Variants in LRP1B observed in about 807,000 individuals in gnomAD.
The protein encoded by LRP1B is LDL receptor related protein 1B.
In LRP1B, 217 loss-of-function variants were observed where a neutral mutation model predicts 556.6. The observed-to-expected ratio is 0.39, with a 90% CI of 0.35 to 0.44. LRP1B has a LOEUF of 0.44. Ranked by LOEUF, LRP1B falls within the 20% of genes least tolerant of loss-of-function variation. The pLI is 1.00. For missense variants in LRP1B, 5,053 were observed against 5,620.8 expected (o/e 0.90, Z 3.23); for synonymous variants, 2,047 against 1,865.8 (o/e 1.10, Z -2.50).
intron 2 of LRP1B, among the ~76,000 whole-genome samples, chr2:141,574,095 T>C (rs528913945): frequency 6.6e-6 from 1 of 152,308 alleles, no homozygotes; most frequent in East Asian, 1.9e-4. Context: ...ACTCATTTTA[T>C]GAAGCCAGCA....
chr2:140,933,881 GTCT>G (rs1281282590), intron 20 of LRP1B, among the ~76,000 whole-genome samples: 1 of 151,922 alleles, frequency 6.6e-6, no homozygotes, highest in Non-Finnish European at 1.5e-5. Flanking sequence ...GCCTTGAGTT[GTCT>G]TTACTTTTGA....
At chr2:142,098,546 C>T (rs559210707) in intron 1 of LRP1B, among the ~76,000 whole-genome samples, 2 of 151,448 alleles carry the variant, frequency 1.3e-5, no homozygotes, top group African/African-American at 4.8e-5. Flanking sequence ...AAATGTGTAC[C>T]CATTTTCAAT....
chr2:141,162,052 C>G (rs1055083514), intron 7 of LRP1B, among the ~76,000 whole-genome samples: 7 of 152,070 alleles, frequency 4.6e-5, no homozygotes, highest in African/African-American at 1.7e-4. Flanking sequence ...TTTGAAATTT[C>G]AAGATTCCTT....
chr2:141,438,669 A>G (rs886066148), intron 3 of LRP1B, among the ~76,000 whole-genome samples: 2 of 152,182 alleles, frequency 1.3e-5, no homozygotes, highest in Non-Finnish European at 2.9e-5. Flanking sequence ...ATAATAAGGC[A>G]TAAGATTTAT....
intron 86 of LRP1B, among the ~76,000 whole-genome samples, chr2:140,256,808 A>T (rs914402394): frequency 1.7e-4 from 26 of 151,696 alleles, no homozygotes; most frequent in Middle Eastern, 3.4e-3. Context: ...CAGCAAAAAA[A>T]TTTTTTTGCA....
At chr2:141,685,146 A>T (rs930013976) in intron 2 of LRP1B, among the ~76,000 whole-genome samples, 1 of 152,054 alleles carries the variant, frequency 6.6e-6, no homozygotes, top group African/African-American at 2.4e-5. Context: ...TAAAATAGGA[A>T]TATCTCTAAC....
intron 66 of LRP1B, among the ~76,000 whole-genome samples, chr2:140,409,662 T>C (rs558828931): frequency 6.6e-6 from 1 of 152,076 alleles, no homozygotes; most frequent in African/African-American, 2.4e-5. Flanking sequence ...GTTTTCTCTA[T>C]GCCAGATTCA....
intron 1 of LRP1B, among the ~76,000 whole-genome samples, chr2:141,904,784 C>A (rs1408399726): frequency 6.6e-6 from 1 of 151,892 alleles, no homozygotes. Flanking sequence ...GGGACACAGA[C>A]AACAGGACAG....
chr2:140,350,906 A>G lies in LRP1B; in HGVS notation c.11783T>C (p.Val3928Ala). The G allele has an allele frequency of 6.2e-7, 1 of 1,611,184 alleles. No homozygotes were observed. The highest frequency in any genetic ancestry group is 1.1e-5 in the South Asian group (1 of 90,982). The change falls in exon 77 of 91, where the codon GTA becomes GCA. Residue 3928 changes from valine (V) to alanine (A), a missense_variant. Coordinates refer to ENST00000389484, the MANE Select transcript of LRP1B (RefSeq NM_018557.3). ...EHNSRITGMD[V>A]YYQRDMIIWS... Reference sequence around the variant, plus strand: ...AATAATCATATCTCTTTGATAATATACATCCATCCCTGTTATTCTTGAATT... The same window carrying G: ...AATAATCATATCTCTTTGATAATATGCATCCATCCCTGTTATTCTTGAATT...
At chr2:141,900,612 C>T (rs527776370) in intron 1 of LRP1B, among the ~76,000 whole-genome samples, 1 of 152,106 alleles carries the variant, frequency 6.6e-6, no homozygotes, top group East Asian at 1.9e-4. Flanking sequence ...CTGTGAGGTT[C>T]AGAAATGATC....
chr2:141,421,215 A>T (rs893016935), intron 3 of LRP1B, among the ~76,000 whole-genome samples: 1 of 152,188 alleles, frequency 6.6e-6, no homozygotes, highest in Non-Finnish European at 1.5e-5. Flanking sequence ...TTTAACACTC[A>T]AAGAAATACA....
chr2:141,163,697 C>A (rs1021487122), intron 7 of LRP1B, among the ~76,000 whole-genome samples: 1 of 151,980 alleles, frequency 6.6e-6, no homozygotes, highest in South Asian at 2.1e-4. Context: ...TTATTTGGCT[C>A]GCATTCTCTC....
chr2:141,932,175 A>G (rs1034783892), intron 1 of LRP1B, among the ~76,000 whole-genome samples: 14 of 152,064 alleles, frequency 9.2e-5, no homozygotes, highest in African/African-American at 3.4e-4. Context: ...TAATTCTTAC[A>G]CTAAGATGCA....
At chr2:141,988,251 C>G (rs1333279002) in intron 1 of LRP1B, among the ~76,000 whole-genome samples, 1 of 151,784 alleles carries the variant, frequency 6.6e-6, no homozygotes, top group Non-Finnish European at 1.5e-5. Flanking sequence ...CAGACCATAT[C>G]TAAGAAGTTT....
At chr2:140,642,376 C>T (rs78512946) in intron 41 of LRP1B, among the ~76,000 whole-genome samples, 6,651 of 152,216 alleles carry the variant, frequency 0.044, 180 homozygotes, top group Middle Eastern at 0.065. Context: ...ATCTGAACTT[C>T]GTGCACGAGC....
chr2:140,506,520 A>G (rs796506940), intron 53 of LRP1B, among the ~76,000 whole-genome samples: 2 of 152,324 alleles, frequency 1.3e-5, no homozygotes, highest in East Asian at 3.9e-4. Context: ...CTAGGACTAC[A>G]GGCATGAGCC....
chr2:141,508,333 C>G (rs1390270276), intron 2 of LRP1B, among the ~76,000 whole-genome samples: 2 of 152,152 alleles, frequency 1.3e-5, no homozygotes, highest in Non-Finnish European at 2.9e-5. Context: ...AGAAGGGTAA[C>G]AGCCACTGAG....
intron 2 of LRP1B, among the ~76,000 whole-genome samples, chr2:141,501,799 A>G (rs887966770): frequency 6.6e-6 from 1 of 152,196 alleles, no homozygotes; most frequent in Non-Finnish European, 1.5e-5. Context: ...TAGCTACAGC[A>G]TATTATTTGG....
chr2:141,169,800 CAAAAAA>C (rs574461113), intron 7 of LRP1B, among the ~76,000 whole-genome samples: 5 of 87,410 alleles, frequency 5.7e-5, no homozygotes, highest in East Asian at 3.3e-4. Context: ...ACACCTTAAC[CAAAAAA>C]AAAAAAAAAA....
Sources: allele counts gnomAD v4.1 joint callset (sites outside exome capture counted in the v4.1 genomes callset), GRCh38; gene constraint gnomAD v4.1.1; transcripts MANE v1.5; gene names NCBI Gene and HGNC (gene_info 2026-07-23, HGNC 2026-07-21).